Variants in AGBL4 observed in about 807,000 individuals in gnomAD.
AGBL4 encodes AGBL carboxypeptidase 4.
AGBL4 carries 58 observed loss-of-function variants against 66.4 expected under a neutral mutation model. That is an observed-to-expected ratio of 0.87 (90% CI 0.71 to 1.09). The LOEUF (loss-of-function observed/expected upper bound fraction) is 1.09, where lower values mean the gene tolerates loss of function less well. Ranked by LOEUF, AGBL4 falls within the 50% of genes least tolerant of loss-of-function variation. The pLI, the probability that AGBL4 is intolerant of heterozygous loss-of-function variation, is 0.00. For synonymous variants in AGBL4, 234 were observed against 222.9 expected (o/e 1.05, Z -0.44); for missense variants, 579 against 631.0 (o/e 0.92, Z 0.88).
intron 1 of AGBL4, among the ~76,000 whole-genome samples, chr1:50,001,516 T>TAA (rs1350623008): frequency 2.0e-5 from 3 of 151,150 alleles, no homozygotes; most frequent in African/African-American, 7.3e-5. Context: ...TGTATATATA[T>TAA]ATATATATGA....
chr1:49,810,454 C>T (rs1645073749), intron 2 of AGBL4, among the ~76,000 whole-genome samples: 1 of 152,064 alleles, frequency 6.6e-6, no homozygotes, highest in African/African-American at 2.4e-5. Flanking sequence ...TTATAAATTT[C>T]AGGAAAGTTT....
chr1:49,933,511 T>C (rs1289217134), intron 1 of AGBL4, among the ~76,000 whole-genome samples: 2 of 152,150 alleles, frequency 1.3e-5, no homozygotes, highest in Non-Finnish European at 2.9e-5. Flanking sequence ...AATACTGTCA[T>C]ACTGTAATGA....
intron 1 of AGBL4, among the ~76,000 whole-genome samples, chr1:49,983,969 T>A (rs991210552): frequency 6.6e-6 from 1 of 152,134 alleles, no homozygotes; most frequent in Non-Finnish European, 1.5e-5. Context: ...CTTTTGGGGT[T>A]TAGACACAAC....
At chr1:49,000,734 G>C (rs1557544593) in intron 5 of AGBL4, among the ~76,000 whole-genome samples, 1 of 152,174 alleles carries the variant, frequency 6.6e-6, no homozygotes, top group Non-Finnish European at 1.5e-5. Flanking sequence ...TAGAGTACCT[G>C]AAGTGTTTAT....
chr1:48,960,152 T>C (rs774400562), intron 5 of AGBL4, among the ~76,000 whole-genome samples: 14 of 151,858 alleles, frequency 9.2e-5, no homozygotes, highest in Non-Finnish European at 1.9e-4. Flanking sequence ...GAGGTAAAGA[T>C]GAAGTGATGA....
intron 3 of AGBL4, among the ~76,000 whole-genome samples, chr1:49,662,605 C>A (rs943573400): frequency 6.6e-6 from 1 of 152,060 alleles, no homozygotes; most frequent in Non-Finnish European, 1.5e-5. Context: ...TATGCCTCAA[C>A]TTTTATTTGT....
chr1:49,051,890 C>T (rs1267835284), intron 4 of AGBL4, among the ~76,000 whole-genome samples: 1 of 152,122 alleles, frequency 6.6e-6, no homozygotes, highest in Non-Finnish European at 1.5e-5. Context: ...CACATTTTTA[C>T]ACCCAGTGTC....
At chr1:48,650,795 C>T (rs1453558328) in intron 8 of AGBL4, among the ~76,000 whole-genome samples, 1 of 152,170 alleles carries the variant, frequency 6.6e-6, no homozygotes, top group Admixed American at 6.5e-5. Flanking sequence ...CTTTGGGAAA[C>T]ACTGAGTACT....
At chr1:49,179,647 C>A (rs1004623023) in intron 4 of AGBL4, among the ~76,000 whole-genome samples, 1 of 151,776 alleles carries the variant, frequency 6.6e-6, no homozygotes, top group African/African-American at 2.4e-5. Context: ...TAGGAAGAAC[C>A]AGCAGATTCA....
At chr1:49,267,122 C>T (rs1468536669) in intron 3 of AGBL4, among the ~76,000 whole-genome samples, 2 of 152,178 alleles carry the variant, frequency 1.3e-5, no homozygotes, top group Admixed American at 1.3e-4. Flanking sequence ...GGGTATAGTG[C>T]ACAGAGGACA....
chr1:49,483,865 T>A (rs765682413), intron 3 of AGBL4, among the ~76,000 whole-genome samples: 2 of 151,856 alleles, frequency 1.3e-5, no homozygotes, highest in African/African-American at 2.4e-5. Context: ...GACAAGGAAT[T>A]AATAAACAGA....
intron 5 of AGBL4, among the ~76,000 whole-genome samples, chr1:48,984,614 A>AC (rs1468849344): frequency 1.1e-4 from 16 of 150,796 alleles, no homozygotes; most frequent in African/African-American, 3.2e-4. Context: ...ATTAAAAAAA[A>AC]CCCCAATACT....
intron 1 of AGBL4, among the ~76,000 whole-genome samples, chr1:49,950,164 A>AT (rs1491378715): frequency 6.9e-6 from 1 of 144,104 alleles, no homozygotes; most frequent in Non-Finnish European, 1.5e-5. Context: ...ATATACACAC[A>AT]TATATATATA....
chr1:48,985,361 G>C (rs1231053416), intron 5 of AGBL4, among the ~76,000 whole-genome samples: 2 of 152,058 alleles, frequency 1.3e-5, no homozygotes, highest in Non-Finnish European at 2.9e-5. Context: ...AAAAATTAAA[G>C]AGCTTTGCCA....
intron 4 of AGBL4, among the ~76,000 whole-genome samples, chr1:49,145,838 A>G (rs1646207644): frequency 6.6e-6 from 1 of 152,220 alleles, no homozygotes; most frequent in Admixed American, 6.5e-5. Context: ...ACAATAGCCA[A>G]GATTTGGAAG....
At chr1:49,009,237 A>T (rs1662157711) in intron 5 of AGBL4, among the ~76,000 whole-genome samples, 1 of 152,164 alleles carries the variant, frequency 6.6e-6, no homozygotes, top group Admixed American at 6.5e-5. Context: ...CCATCAGAGA[A>T]TACTACAAAC....
chr1:49,218,533 G>T (rs1182670020), intron 4 of AGBL4, among the ~76,000 whole-genome samples: 1 of 121,856 alleles, frequency 8.2e-6, no homozygotes, highest in East Asian at 1.9e-4. Flanking sequence ...GGAGCAAGTT[G>T]GCTCTAGCAA....
chr1:48,872,862 G>A (rs1317518372), intron 5 of AGBL4, among the ~76,000 whole-genome samples: 1 of 152,130 alleles, frequency 6.6e-6, no homozygotes, highest in East Asian at 1.9e-4. Flanking sequence ...ACAGGAAGGC[G>A]AAGCAAAGAG....
intron 3 of AGBL4, among the ~76,000 whole-genome samples, chr1:49,353,249 G>A (rs1348680810): frequency 6.6e-6 from 1 of 152,034 alleles, no homozygotes; most frequent in Non-Finnish European, 1.5e-5. Flanking sequence ...GTAAAATAAG[G>A]GGTAGCACTA....
Sources: allele counts gnomAD v4.1 joint callset (sites outside exome capture counted in the v4.1 genomes callset), GRCh38; gene constraint gnomAD v4.1.1; transcripts MANE v1.5; gene names NCBI Gene and HGNC (gene_info 2026-07-23, HGNC 2026-07-21).